Variants in COG2 observed in about 807,000 individuals in gnomAD.
COG2 encodes the protein conserved oligomeric Golgi complex subunit 2.
COG2 carries 52 observed loss-of-function variants against 90.6 expected under a neutral mutation model. The ratio of observed to expected loss-of-function variants is 0.57; its 90% CI spans 0.46 to 0.72. The LOEUF (loss-of-function observed/expected upper bound fraction) is 0.72. Ranked by LOEUF, COG2 falls within the 30% of genes least tolerant of loss-of-function variation. The pLI, the probability that COG2 is intolerant of heterozygous loss-of-function variation, is 0.00. For synonymous variants in COG2, 337 were observed against 320.4 expected (o/e 1.05, Z -0.55); for missense variants, 829 against 891.2 (o/e 0.93, Z 0.89).
At chr1:230,672,417 C>G (rs976283555) in intron 8 of COG2, among the ~76,000 whole-genome samples, 31 of 152,194 alleles carry the variant, frequency 2.0e-4, no homozygotes, top group African/African-American at 7.5e-4. Context: ...TTCCCCAGCT[C>G]CCTTGTACTC....
intron 12 of COG2, among the ~76,000 whole-genome samples, chr1:230,686,166 T>C (rs2986728): frequency 0.95 from 144,204 of 152,296 alleles, 68,338 homozygotes; most frequent in East Asian, 0.99. Context: ...ATGTGGCTGT[T>C]GTGAGGATTT....
intron 7 of COG2, chr1:230,670,236 T>G (rs1432182647): frequency 6.6e-6 from 1 of 152,210 alleles, no homozygotes; most frequent in Non-Finnish European, 1.5e-5. Context: ...ATAAAGTTGC[T>G]GATATTCAAC....
Position 230,678,383 on chromosome 1 carries a change from A to G in COG2, c.1027-530A>G, listed in dbSNP as rs187784297. The G allele has an allele frequency of 1.2e-5, 12 of 985,402 alleles. No homozygotes were observed. The Admixed American group carries it at 4.9e-4, about 40-fold the overall frequency. The allele number at this position is 985,402 out of a possible 1,614,324, so 61.0% of individuals were successfully genotyped here. A position where few individuals can be genotyped will look rare whatever the true frequency, so the allele number is the denominator to read the frequency against. On this transcript the variant is annotated intron_variant, in intron 9 of 17. Coordinates refer to ENST00000366669, the MANE Select transcript of COG2 (RefSeq NM_007357.3). ...TAAATTAAATAAGACAATTCTAATC[A>G]CAGTGTGTCGATGATAAATGCTACG...
intron 16 of COG2, chr1:230,690,437 G>A (rs938628173): frequency 5.9e-5 from 16 of 269,968 alleles, no homozygotes; most frequent in Non-Finnish European, 9.1e-5. Context: ...TGCAGGTGCC[G>A]TTCTCCCAGG....
chr1:230,690,179 T>TG lies in COG2; in HGVS notation c.1934+29dup, dbSNP rs754625348. 6.2e-6 allele frequency: 10 copies of TG among 1,607,082 alleles called. No individual in the cohort carries two copies. In the Admixed American group the frequency reaches 1.7e-4, roughly 27 times the overall value. ...GTAAGTAAATTAAAAGCAGACCTTG[T>TG]GGGCCTTGCTTAGAAGAGTCTGCGG... is the stretch of plus-strand genomic sequence containing the variant. On this transcript the variant is annotated intron_variant, in intron 16 of 17. Transcript: ENST00000366669.
Position 230,642,549 on chromosome 1 carries a change from C to G in COG2, c.-58C>G. On this transcript the variant is annotated 5_prime_UTR_variant, in exon 1 of 18. Coordinates refer to ENST00000366669, the MANE Select transcript of COG2 (RefSeq NM_007357.3). ...TGGCCGCGGCCGCCGAGTCGGTCTG[C>G]GCAGCCTCCTGCGTTTTCTCGCTTG... 1 of 1,551,802 alleles carries G rather than the reference C, an allele frequency of 6.4e-7. No individual in the cohort carries two copies. Among genetic ancestry groups the G allele is most frequent in the Non-Finnish European group, 8.8e-7 (1 of 1,138,744 alleles).
chr1:230,674,309 G>A (rs191165288), intron 8 of COG2, among the ~76,000 whole-genome samples: 76 of 152,268 alleles, frequency 5.0e-4, no homozygotes, highest in Non-Finnish European at 8.1e-4. Flanking sequence ...TGATTTGCCC[G>A]CCCTCCAATA....
At chr1:230,646,239 C>G (rs750086966) in intron 1 of COG2, among the ~76,000 whole-genome samples, 1 of 152,170 alleles carries the variant, frequency 6.6e-6, no homozygotes, top group Non-Finnish European at 1.5e-5. Context: ...CTCTTAAATT[C>G]ACTTCACTCT....
intron 7 of COG2, chr1:230,670,676 G>A (rs1662426917): frequency 6.6e-6 from 1 of 152,118 alleles, no homozygotes; most frequent in Non-Finnish European, 1.5e-5. Flanking sequence ...GGGTGCAGAG[G>A]CATGATCATG....
intron 5 of COG2, among the ~76,000 whole-genome samples, chr1:230,667,607 A>C (rs1662351639): frequency 6.6e-6 from 1 of 152,184 alleles, no homozygotes; most frequent in African/African-American, 2.4e-5. Context: ...ATAATTTATA[A>C]ATAATTAATT....
intron 5 of COG2, among the ~76,000 whole-genome samples, chr1:230,666,477 GC>G (rs1662326328): frequency 2.0e-5 from 3 of 152,092 alleles, no homozygotes; most frequent in Non-Finnish European, 2.9e-5. Context: ...ACTAACCCTA[GC>G]TGCCAAATGG....
rs1662899849 is a variant in COG2 at position 230,686,983 on chromosome 1, C to T, written c.1429C>T (p.Pro477Ser). Residue 477 changes from proline to serine, a missense_variant, in exon 13 of 18, where the codon CCT becomes TCT. Pro to Ser is a moderately conservative substitution (Grantham distance 74). Transcript: ENST00000366669. ...SNESPKEIKK[P>S]LVTGSKEPSI... ...TGAAAGTCCCAAGGAGATCAAGAAA[C>T]CTTTGGTAACTGGTAGCAAAGAACC... 6.2e-7 allele frequency: 1 copy of T among 1,602,180 alleles called. No individual in the cohort carries two copies. Among genetic ancestry groups the T allele is most frequent in the Non-Finnish European group, 8.5e-7 (1 of 1,172,516 alleles).
At chr1:230,657,731 CT>C (rs1238520494) in intron 1 of COG2, among the ~76,000 whole-genome samples, 1 of 152,100 alleles carries the variant, frequency 6.6e-6, no homozygotes, top group Non-Finnish European at 1.5e-5. Flanking sequence ...GTCTTTTCAT[CT>C]AGTCCCATAT....
chr1:230,645,268 A>C (rs182287701), intron 1 of COG2, among the ~76,000 whole-genome samples: 1 of 151,686 alleles, frequency 6.6e-6, no homozygotes, highest in Non-Finnish European at 1.5e-5. Context: ...AAAATGTACA[A>C]ACACTCTTAG....
At chr1:230,683,504 CAG>C (rs1214008079) in intron 10 of COG2, 68 bp from the exon 11 acceptor site, 20 of 1,182,270 alleles carry the variant, frequency 1.7e-5, no homozygotes, top group East Asian at 2.5e-5. Flanking sequence ...TTAGGAAAAA[CAG>C]AGAATGGATA....
intron 8 of COG2, among the ~76,000 whole-genome samples, chr1:230,673,313 G>A (rs59111222): frequency 6.6e-6 from 1 of 152,320 alleles, no homozygotes; most frequent in African/African-American, 2.4e-5. Flanking sequence ...GCCTGTCACT[G>A]TGTTGCAGGT....
intron 1 of COG2, among the ~76,000 whole-genome samples, chr1:230,655,481 G>A (rs1416656167): frequency 2.0e-5 from 3 of 152,198 alleles, no homozygotes; most frequent in Non-Finnish European, 4.4e-5. Context: ...TTTTTCATGT[G>A]CTGCTGGATT....
chr1:230,664,338 G>A (rs1203943991), intron 4 of COG2, 146 bp from the exon 5 acceptor site: 1 of 399,232 alleles, frequency 2.5e-6, no homozygotes, highest in Non-Finnish European at 4.5e-6. Context: ...GGAATTTTGT[G>A]TTATGTAGAA....
At chr1:230,683,438 G>A (rs1662803921) in intron 10 of COG2, 136 bp from the exon 11 acceptor site, 1 of 522,230 alleles carries the variant, frequency 1.9e-6, no homozygotes, top group Non-Finnish European at 3.4e-6. Context: ...AAGCCTGGGA[G>A]AATAGGCATT....
Sources: allele counts gnomAD v4.1 joint callset (sites outside exome capture counted in the v4.1 genomes callset), GRCh38; gene constraint gnomAD v4.1.1; transcripts MANE v1.5; gene names NCBI Gene and HGNC (gene_info 2026-07-23, HGNC 2026-07-21).